The following PSPH variants were observed in gnomAD, a reference collection of about 807,000 sequenced individuals.
PSPH encodes the protein L-3-phosphoserine phosphatase.
Under a neutral mutation model 23.4 loss-of-function variants are expected in PSPH, and 16 were observed. That is an observed-to-expected ratio of 0.68 (90% confidence interval 0.46 to 1.04). PSPH has a LOEUF of 1.04. Ranked by LOEUF, PSPH falls within the 50% of genes least tolerant of loss-of-function variation. The probability of loss-of-function intolerance (pLI) is 0.00; values close to 1 mark genes in which losing one functional copy is unlikely to be tolerated. For synonymous variants in PSPH, 68 were observed against 99.7 expected, an observed-to-expected ratio of 0.68 and a Z score of 1.89; for missense variants, 223 against 273.7, an observed-to-expected ratio of 0.81 and a Z score of 1.31.
chr7:56,040,254 G>A (rs1778625183), intron 1 of PSPH, among the ~76,000 whole-genome samples: 1 of 152,106 alleles, frequency 6.6e-6, no homozygotes, highest in South Asian at 2.1e-4. Context: ...AAAGGAAGTT[G>A]AAGAACGTAT....
At chr7:56,034,865 G>A (rs1791522447) in intron 1 of PSPH, among the ~76,000 whole-genome samples, 1 of 151,588 alleles carries the variant, frequency 6.6e-6, no homozygotes, top group East Asian at 1.9e-4. Flanking sequence ...AACAAAATGA[G>A]AGTCTTTGCA....
chr7:56,023,927 T>G (rs2116741064), intron 3 of PSPH, among the ~76,000 whole-genome samples: 1 of 152,024 alleles, frequency 6.6e-6, no homozygotes, highest in East Asian at 1.9e-4. Flanking sequence ...TTACTTTTTT[T>G]TTTTGTTTTT....
chr7:56,045,778 C>G (rs1406468123), intron 1 of PSPH, among the ~76,000 whole-genome samples: 1 of 149,982 alleles, frequency 6.7e-6, no homozygotes, highest in Non-Finnish European at 1.5e-5. Context: ...CCCAGCTACT[C>G]AGGAGGTTGA....
intron 3 of PSPH, among the ~76,000 whole-genome samples, chr7:56,028,724 G>C (rs1000934176): frequency 5.3e-5 from 8 of 152,072 alleles, no homozygotes; most frequent in Non-Finnish European, 1.2e-4. Flanking sequence ...TTGGGCAGCA[G>C]AGCAAACTCG....
intron 3 of PSPH, among the ~76,000 whole-genome samples, chr7:56,028,752 C>T (rs1344500377): frequency 1.3e-5 from 2 of 152,030 alleles, no homozygotes; most frequent in Non-Finnish European, 2.9e-5. Flanking sequence ...CTCCTTTTAG[C>T]TCTTCCCATC....
chr7:56,027,148 C>T (rs776244503), intron 3 of PSPH, among the ~76,000 whole-genome samples: 4 of 148,414 alleles, frequency 2.7e-5, no homozygotes, highest in Non-Finnish European at 4.5e-5. Context: ...GAAGTTGCGG[C>T]GAGCCGAGAT....
intron 7 of PSPH, among the ~76,000 whole-genome samples, chr7:56,014,114 G>C (rs1012062218): frequency 6.6e-6 from 1 of 152,146 alleles, no homozygotes; most frequent in African/African-American, 2.4e-5. Context: ...GGGTGACAGA[G>C]TGAGACTCTA....
chr7:56,032,948 TA>T (rs549761131), intron 2 of PSPH, among the ~76,000 whole-genome samples: 1,859 of 139,214 alleles, frequency 0.013, 12 homozygotes, highest in African/African-American at 0.033. Flanking sequence ...CCCTGTCTCT[TA>T]AAAAAAAAAA....
At chr7:56,027,419 C>T (rs2116827947) in intron 3 of PSPH, among the ~76,000 whole-genome samples, 1 of 151,976 alleles carries the variant, frequency 6.6e-6, no homozygotes, top group Non-Finnish European at 1.5e-5. Flanking sequence ...TAATTACTGG[C>T]CATGTTTGAA....
rs587777773 is a variant in PSPH at position 56,019,607 on chromosome 7, C to CG, written c.267dup (p.Gly90ArgfsTer24). On this transcript the variant is annotated frameshift_variant, in exon 5 of 8. Transcript: ENST00000275605. LOFTEE classifies it high-confidence loss of function. ...AGCCGGGGTTCCTCTTACCTTATGCCGGGGGTCAGGTGTGGGGGTTGCTCT... is the reference window on the plus strand; with the variant it reads ...AGCCGGGGTTCCTCTTACCTTATGCCGGGGGGTCAGGTGTGGGGGTTGCTCT... 7.6e-7 allele frequency: 1 copy of CG among 1,315,654 alleles called. No homozygotes were observed. The highest frequency in any genetic ancestry group is 1.7e-5 in the African/African-American group (1 of 58,192). 81.5% of individuals were successfully genotyped at this position (1,315,654 alleles called of 1,614,324 possible).
intron 1 of PSPH, among the ~76,000 whole-genome samples, chr7:56,038,071 G>C (rs1464067824): frequency 1.3e-5 from 2 of 151,714 alleles, no homozygotes; most frequent in African/African-American, 4.8e-5. Flanking sequence ...AAGTCATTCA[G>C]TGCTAATAGC....
intron 1 of PSPH, among the ~76,000 whole-genome samples, chr7:56,050,155 T>G (rs1354596699): frequency 6.6e-6 from 1 of 152,196 alleles, no homozygotes; most frequent in South Asian, 2.1e-4. Flanking sequence ...TAGATGTTTT[T>G]GTGATTCTCA....
At chr7:56,038,614 C>T (rs1050572865) in intron 1 of PSPH, among the ~76,000 whole-genome samples, 3 of 151,906 alleles carry the variant, frequency 2.0e-5, no homozygotes, top group East Asian at 1.9e-4. Context: ...GTGGGAGGAT[C>T]GCTTGAGCCC....
chr7:56,026,928 C>G (rs10259981), intron 3 of PSPH, among the ~76,000 whole-genome samples: 44,739 of 151,750 alleles, frequency 0.29, 6,634 homozygotes, highest in East Asian at 0.43. Flanking sequence ...TGAGAAGGCC[C>G]GGCACGGTGG....
At chr7:56,046,013 CCATGGGGTAACA>C (rs1467040950) in intron 1 of PSPH, among the ~76,000 whole-genome samples, 1 of 152,090 alleles carries the variant, frequency 6.6e-6, no homozygotes, top group Admixed American at 6.6e-5. Flanking sequence ...CCTCCAACTT[CCATGGGGTAACA>C]CAATGTGGCC....
At position 56,015,319 on chromosome 7, in the gene PSPH, C is replaced by T. The variant is rs760017390; in HGVS notation, c.422-148G>A. Reference sequence around the variant, plus strand: ...AGTCACACAGCCTGGAGCTCCACACCTGTTCCTGGGAATAAACAAGCTTTG... The same window carrying T: ...AGTCACACAGCCTGGAGCTCCACACTTGTTCCTGGGAATAAACAAGCTTTG... On this transcript the variant is annotated intron_variant, in intron 6 of 7. Transcript: ENST00000275605. The T allele has an allele frequency of 4.0e-4, 319 of 796,548 alleles. 2 individuals carry two copies. Among genetic ancestry groups the T allele is most frequent in the Non-Finnish European group, 6.1e-4 (284 of 467,158 alleles). The allele number at this position is 796,548 out of a possible 1,614,324, so 49.3% of individuals were successfully genotyped here.
At chr7:56,039,568 G>C (rs1792208588) in intron 1 of PSPH, among the ~76,000 whole-genome samples, 1 of 151,762 alleles carries the variant, frequency 6.6e-6, no homozygotes, top group African/African-American at 2.4e-5. Flanking sequence ...ACGATGTCAG[G>C]AGATCGAGAC....
intron 4 of PSPH, among the ~76,000 whole-genome samples, chr7:56,020,625 G>GA (rs374365759): frequency 1.0e-3 from 93 of 89,926 alleles, no homozygotes; most frequent in African/African-American, 2.6e-3. Flanking sequence ...ACTCCGTCTC[G>GA]AAAAAAAAAA....
At position 56,019,585 on chromosome 7, in the gene PSPH, CGG is replaced by C; in HGVS notation, c.275+13_275+14del. On this transcript the variant is annotated intron_variant, in intron 5 of 7. Transcript: ENST00000275605. ...ACTGGTGCTGAAATACACCTGGAGC[CGG>C]GGTTCCTCTTACCTTATGCCGGGGG... is the stretch of plus-strand genomic sequence containing the variant. 1 of 1,536,758 alleles carries C rather than the reference CGG, an allele frequency of 6.5e-7. No individual in the cohort carries two copies.
Sources: allele counts gnomAD v4.1 joint callset (sites outside exome capture counted in the v4.1 genomes callset), GRCh38; gene constraint gnomAD v4.1.1; transcripts MANE v1.5; gene names NCBI Gene and HGNC (gene_info 2026-07-23, HGNC 2026-07-21).